Variants in SYT7 observed in about 807,000 individuals in gnomAD.
SYT7 encodes the protein synaptotagmin-7.
In SYT7, 29 loss-of-function variants were observed where a neutral mutation model predicts 75.1. The ratio of observed to expected loss-of-function variants is 0.39; its 90% CI spans 0.29 to 0.53. The LOEUF (loss-of-function observed/expected upper bound fraction) is 0.53, where lower values mean the gene tolerates loss of function less well. Ranked by LOEUF, SYT7 falls within the 20% of genes least tolerant of loss-of-function variation. The pLI, the probability that SYT7 is intolerant of heterozygous loss-of-function variation, is 0.77. For synonymous variants in SYT7, 376 were observed against 401.7 expected (o/e 0.94, Z 0.76); for missense variants, 693 against 953.2 (o/e 0.73, Z 3.59).
intron 4 of SYT7, 139 bp downstream of exon 4, chr11:61,547,038 G>A: frequency 9.0e-7 from 1 of 1,115,432 alleles, no homozygotes. Context: ...CCATGGGGTG[G>A]ATGGGTGGGG....
the SYT7 span, among the ~76,000 whole-genome samples, chr11:61,587,687 G>A: frequency 1.3e-5 from 2 of 151,818 alleles, no homozygotes; most frequent in South Asian, 4.2e-4. Context: ...CTGAGCGCCC[G>A]CAAACGCCCG....
intron 7 of SYT7, among the ~76,000 whole-genome samples, chr11:61,534,202 C>T (rs1405635415): frequency 6.6e-6 from 1 of 152,220 alleles, no homozygotes; most frequent in Non-Finnish European, 1.5e-5. Flanking sequence ...TGAGAGCACA[C>T]AGCCACAAAC....
chr11:61,564,515 T>G (rs1200572053), intron 1 of SYT7, among the ~76,000 whole-genome samples: 2 of 152,156 alleles, frequency 1.3e-5, no homozygotes, highest in African/African-American at 4.8e-5. Flanking sequence ...AAACTGAGGC[T>G]CAGGAGGGTT....
chr11:61,520,020 A>G (rs1472272671), intron 12 of SYT7, among the ~76,000 whole-genome samples: 1 of 133,858 alleles, frequency 7.5e-6, no homozygotes, highest in African/African-American at 2.6e-5. Flanking sequence ...GGGTTTCACT[A>G]TGTTGGGCAA....
intron 6 of SYT7, among the ~76,000 whole-genome samples, chr11:61,538,749 C>T (rs553233126): frequency 1.3e-5 from 2 of 152,274 alleles, no homozygotes; most frequent in African/African-American, 4.8e-5. Flanking sequence ...CCATCTGGGC[C>T]ACTGGGAGAA....
intron 1 of SYT7, among the ~76,000 whole-genome samples, chr11:61,560,068 G>A (rs942678158): frequency 5.3e-5 from 8 of 152,150 alleles, no homozygotes; most frequent in Non-Finnish European, 1.0e-4. Flanking sequence ...CAGTCACAAC[G>A]ACAACAGAGA....
intron 3 of SYT7, among the ~76,000 whole-genome samples, chr11:61,548,458 A>T (rs1452983105): frequency 6.6e-6 from 1 of 152,208 alleles, no homozygotes; most frequent in Non-Finnish European, 1.5e-5. Context: ...CCACCAGCTC[A>T]TCAGGCTACT....
In SYT7 at chr11:61,546,159, T is replaced by C; in HGVS notation, c.444A>G (p.Pro148=). 6.6e-7 allele frequency: 1 copy of C among 1,525,362 alleles called. No individual in the cohort carries two copies. The highest frequency in any genetic ancestry group is 1.2e-5 in the South Asian group (1 of 83,198). The allele number at this position is 1,525,362 out of a possible 1,614,324, so 94.5% of individuals were successfully genotyped here. Residue 148 remains proline (P), a synonymous_variant, in exon 5 of 13, where the codon CCA becomes CCG. Transcript: ENST00000539008. This position sits in a 1 kb window ranked among gnomAD's most constrained non-coding sequence, Gnocchi z 7.6. The stretch of plus-strand genomic sequence containing the variant: ...CGCTTCTCAAGGCGTCCTCTCCGGG[T>C]GGCGGCACCGGTGCCGGCTTCTCCC... ...RLGEKPAPVP[P]PGEDALRSGG...
intron 6 of SYT7, chr11:61,540,849 C>G: frequency 2.0e-6 from 2 of 985,526 alleles, no homozygotes; most frequent in Non-Finnish European, 2.4e-6. Context: ...GGATCACAGC[C>G]TCTGTCCCAA....
chr11:61,580,078 A>T lies in SYT7; in HGVS notation c.31+712T>A, dbSNP rs2135473290. 6.6e-6 allele frequency among the ~76,000 whole-genome samples: 1 copy of T among 152,274 alleles called. No individual in the cohort carries two copies. The highest frequency in any genetic ancestry group is 1.5e-5 in the Non-Finnish European group (1 of 68,004). ...AGGCCACTCCCCTGGCGGGCGAAGC[A>T]GAAGGCAAAGGAGTTCGGCCCTCCC... On this transcript the variant is annotated intron_variant, in intron 1 of 12. Transcript: ENST00000539008. This position sits in a 1 kb window ranked among gnomAD's most constrained non-coding sequence, Gnocchi z 6.1.
intron 1 of SYT7, among the ~76,000 whole-genome samples, chr11:61,566,037 C>T (rs910541153): frequency 5.3e-5 from 8 of 152,188 alleles, no homozygotes; most frequent in African/African-American, 1.4e-4. Context: ...AGGGACATGT[C>T]GGGATCCACA....
Position 61,526,175 on chromosome 11 carries a change from G to A in SYT7, c.1472-1643C>T, listed in dbSNP as rs368743805. On this transcript the variant is annotated intron_variant, in intron 9 of 12. Coordinates refer to ENST00000539008, the MANE Select transcript of SYT7 (RefSeq NM_001365809.2). ...GAGCTCTGACAGGAGCAGGTGAGCT[G>A]GAAGAGGAGACTCTGAATTTGTTCA... The A allele has an allele frequency of 2.3e-4, 35 of 152,316 alleles. No homozygotes were observed. The East Asian group carries it at 5.6e-3, about 24-fold the overall frequency. The allele number at this position is 152,316 out of a possible 1,614,324, so 9.4% of individuals were successfully genotyped here.
At chr11:61,562,129 T>A (rs2063654944) in intron 1 of SYT7, among the ~76,000 whole-genome samples, 1 of 152,102 alleles carries the variant, frequency 6.6e-6, no homozygotes, top group South Asian at 2.1e-4. Flanking sequence ...CATGCTCAAC[T>A]TTGCCTGACA....
At chr11:61,582,542 T>G (rs2064302275), upstream of SYT7, among the ~76,000 whole-genome samples, 1 of 151,922 alleles carries the variant, frequency 6.6e-6, no homozygotes, top group South Asian at 2.1e-4. Context: ...CACATTCACC[T>G]CCACCTACAG....
chr11:61,558,583 T>G (rs2063562923), intron 1 of SYT7, among the ~76,000 whole-genome samples: 1 of 151,648 alleles, frequency 6.6e-6, no homozygotes, highest in Non-Finnish European at 1.5e-5. Context: ...GAACAGGCCC[T>G]GCCCACAAGG....
At chr11:61,536,859 G>A (rs1307150342) in intron 7 of SYT7, among the ~76,000 whole-genome samples, 3 of 152,154 alleles carry the variant, frequency 2.0e-5, no homozygotes, top group Admixed American at 6.5e-5. Context: ...TGGCCCCTAG[G>A]GGCCTCTCAA....
chr11:61,546,631 C>T lies in SYT7; in HGVS notation c.348-376G>A, dbSNP rs1196314458. On this transcript the variant is annotated intron_variant, in intron 4 of 12. Coordinates refer to ENST00000539008, the MANE Select transcript of SYT7 (RefSeq NM_001365809.2). The surrounding 1 kb of genome is among the most constrained non-coding windows in gnomAD (Gnocchi z 7.6). ...CCTCCAACTCTATCCCACAGGACAA[C>T]GAAGGGTTAACGACGGAGGAAGAGC... 6 of 472,142 alleles carry T rather than the reference C, an allele frequency of 1.3e-5. No individual in the cohort carries two copies. Among genetic ancestry groups the T allele is most frequent in the African/African-American group, 2.0e-5 (1 of 50,728 alleles). 29.2% of individuals were successfully genotyped at this position (472,142 alleles called of 1,614,324 possible).
In SYT7 at chr11:61,538,555, C is replaced by G. The variant is rs80161298; in HGVS notation, c.942-289G>C. ...GACTACGGCCTGAGACTCCACTGGT[C>G]TGAGCCAAGAGCAAGATTCTCCAGA... On this transcript the variant is annotated intron_variant, in intron 6 of 12. Coordinates refer to ENST00000539008, the MANE Select transcript of SYT7 (RefSeq NM_001365809.2). Among the ~76,000 whole-genome samples, 459 of 152,150 alleles carry G rather than the reference C, an allele frequency of 3.0e-3. 14 individuals carry two copies. In the East Asian group the frequency reaches 0.068, roughly 23 times the overall value.
intron 1 of SYT7, among the ~76,000 whole-genome samples, chr11:61,556,958 C>T (rs2135352567): frequency 6.6e-6 from 1 of 151,694 alleles, no homozygotes; most frequent in East Asian, 1.9e-4. Context: ...GTGCCATAAA[C>T]TTCAGAAGTG....
Sources: allele counts gnomAD v4.1 joint callset (sites outside exome capture counted in the v4.1 genomes callset), GRCh38; gene constraint gnomAD v4.1.1; non-coding constraint Gnocchi (gnomAD v3.1); transcripts MANE v1.5; gene names NCBI Gene and HGNC (gene_info 2026-07-23, HGNC 2026-07-21).